KIAA1549L: variants seen among roughly 807,000 people sequenced by gnomAD.
The protein encoded by KIAA1549L is KIAA1549 like.
KIAA1549L carries 88 observed loss-of-function variants against 160.7 expected under a neutral mutation model. The observed-to-expected ratio is 0.55, with a 90% CI of 0.46 to 0.65. KIAA1549L has a LOEUF of 0.65. Ranked by LOEUF, KIAA1549L falls within the 30% of genes least tolerant of loss-of-function variation. KIAA1549L has a pLI of 0.00. For synonymous variants in KIAA1549L, 950 were observed against 976.7 expected, an observed-to-expected ratio of 0.97 and a Z score of 0.51; for missense variants, 2,258 against 2,437.5, an observed-to-expected ratio of 0.93 and a Z score of 1.55.
chr11:33,571,805 C>G (rs1039244161), intron 9 of KIAA1549L, among the ~76,000 whole-genome samples: 1 of 152,206 alleles, frequency 6.6e-6, no homozygotes, highest in East Asian at 1.9e-4. Flanking sequence ...ATATCATGAT[C>G]TTATCAAGTG....
At chr11:33,601,803 C>G (rs1850373271) in intron 13 of KIAA1549L, among the ~76,000 whole-genome samples, 3 of 152,214 alleles carry the variant, frequency 2.0e-5, no homozygotes, top group South Asian at 2.1e-4. Flanking sequence ...GGAAAAGACA[C>G]TATTCTGCTA....
chr11:33,383,708 C>T, intron 1 of KIAA1549L, among the ~76,000 whole-genome samples: 1 of 152,156 alleles, frequency 6.6e-6, no homozygotes, highest in East Asian at 1.9e-4. Context: ...TAAAGTACTT[C>T]CATGAATTGG....
chr11:33,605,689 A>T (rs919385667), intron 13 of KIAA1549L, among the ~76,000 whole-genome samples: 1 of 152,228 alleles, frequency 6.6e-6, no homozygotes, highest in Admixed American at 6.5e-5. Flanking sequence ...AGACAGGAGG[A>T]AAGATGAATA....
At chr11:33,403,739 T>C (rs948846880) in intron 1 of KIAA1549L, 1 of 152,064 alleles carries the variant, frequency 6.6e-6, no homozygotes, top group African/African-American at 2.4e-5. Flanking sequence ...TTCCTCCCTT[T>C]CTTTCTTTTT....
intron 1 of KIAA1549L, among the ~76,000 whole-genome samples, chr11:33,428,843 A>C (rs770555758): frequency 6.6e-6 from 1 of 152,176 alleles, no homozygotes; most frequent in South Asian, 2.1e-4. Flanking sequence ...GTCAAATGGT[A>C]TCTCTAGTTC....
At chr11:33,462,421 G>A (rs1851959346) in intron 1 of KIAA1549L, among the ~76,000 whole-genome samples, 1 of 152,170 alleles carries the variant, frequency 6.6e-6, no homozygotes, top group Non-Finnish European at 1.5e-5. Flanking sequence ...TGCAATATCT[G>A]TAAAAAAATT....
In KIAA1549L at chr11:33,612,625, G is replaced by A. The variant is rs117165257; in HGVS notation, c.5279+2659G>A. On this transcript the variant is annotated intron_variant, in intron 15 of 20. Coordinates refer to ENST00000658780, the MANE Select transcript of KIAA1549L (RefSeq NM_012194.3). ...TTTTTTTTTTTTTTCTTTTCTTTTA[G>A]GTTTGAAGTTACATGTGCAGGTTTG... Among the ~76,000 whole-genome samples the A allele has an allele frequency of 9.5e-3, 1,430 of 150,092 alleles. 12 individuals carry two copies. Among genetic ancestry groups the A allele is most frequent in the Admixed American group, 0.015 (233 of 15,118 alleles).
At chr11:33,435,836 A>G (rs12271244) in intron 1 of KIAA1549L, among the ~76,000 whole-genome samples, 4 of 65,982 alleles carry the variant, frequency 6.1e-5, no homozygotes, top group East Asian at 3.5e-4. Context: ...ATATATGTAT[A>G]TGTATATGTG....
intron 1 of KIAA1549L, among the ~76,000 whole-genome samples, chr11:33,414,315 G>A (rs1850844435): frequency 6.6e-6 from 1 of 152,136 alleles, no homozygotes; most frequent in Admixed American, 6.5e-5. Context: ...AATATTCCAT[G>A]GATGATTAGA....
chr11:33,514,754 T>G (rs1292017299), intron 1 of KIAA1549L, among the ~76,000 whole-genome samples: 2 of 152,228 alleles, frequency 1.3e-5, no homozygotes, highest in African/African-American at 4.8e-5. Flanking sequence ...TAGTAACTTG[T>G]GAAAAGCAAA....
rs780356890 is a variant in KIAA1549L, at chr11:33,646,910, CA to C, written c.5760+887del. Among the ~76,000 whole-genome samples, 452 of 140,594 alleles carry C rather than the reference CA, an allele frequency of 3.2e-3. 1 individual carries two copies. Among genetic ancestry groups the C allele is most frequent in the Admixed American group, 4.1e-3 (58 of 14,154 alleles). The allele number at this position is 140,594 out of a possible 152,430, so 92.2% of individuals were successfully genotyped here. ...AATAAACATCATTATTTTTAGAGAC[CA>C]AAAAAAAAAAAATCTGTTATTTAGG... On this transcript the variant is annotated intron_variant, in intron 17 of 20. Coordinates refer to ENST00000658780, the MANE Select transcript of KIAA1549L (RefSeq NM_012194.3).
rs1347631189 is a variant in KIAA1549L at position 33,530,428 on chromosome 11, AAAAAAAAAATATATATAT to A, written c.239-11372_239-11355del. Among the ~76,000 whole-genome samples the A allele has an allele frequency of 2.1e-3, 44 of 20,546 alleles. 4 individuals are homozygous for A. Among genetic ancestry groups the A allele is most frequent in the African/African-American group, 5.4e-3 (39 of 7,256 alleles). The allele number at this position is 20,546 out of a possible 152,430, so 13.5% of individuals were successfully genotyped here. On this transcript the variant is annotated intron_variant, in intron 1 of 20. Coordinates refer to ENST00000658780, the MANE Select transcript of KIAA1549L (RefSeq NM_012194.3). Reference sequence around the variant, plus strand: ...AGAAGAAGAAGGAAAAAAAAAAAAAAAAAAAAAAATATATATATATATATATATATATATATATATATA... The same window carrying A: ...AGAAGAAGAAGGAAAAAAAAAAAAAAATATATATATATATATATATATATA...
At chr11:33,653,600 T>G (rs1483207537) in intron 17 of KIAA1549L, among the ~76,000 whole-genome samples, 2 of 152,222 alleles carry the variant, frequency 1.3e-5, no homozygotes, top group Non-Finnish European at 2.9e-5. Context: ...TGATCCTACT[T>G]GGGATTATTA....
chr11:33,463,493 G>A (rs552595682), intron 1 of KIAA1549L, among the ~76,000 whole-genome samples: 111 of 152,256 alleles, frequency 7.3e-4, no homozygotes, highest in African/African-American at 2.5e-3. Flanking sequence ...AACGTCTTGG[G>A]TGAGAGACCA....
chr11:33,642,638 G>A (rs1416766715), intron 16 of KIAA1549L, among the ~76,000 whole-genome samples: 1 of 149,936 alleles, frequency 6.7e-6, no homozygotes, highest in Non-Finnish European at 1.5e-5. Flanking sequence ...TAATTGGAAT[G>A]AGTCAGGGTA....
At chr11:33,475,596 T>C (rs907729957) in intron 1 of KIAA1549L, among the ~76,000 whole-genome samples, 4 of 151,190 alleles carry the variant, frequency 2.6e-5, no homozygotes, top group African/African-American at 9.7e-5. Flanking sequence ...CTCATGCCTG[T>C]AATCCCAGCA....
intron 17 of KIAA1549L, among the ~76,000 whole-genome samples, chr11:33,649,349 A>T (rs2133414290): frequency 6.6e-6 from 1 of 150,620 alleles, no homozygotes; most frequent in South Asian, 2.1e-4. Context: ...GGGGGAAAAA[A>T]AAAAAAAAAA....
At chr11:33,413,829 A>G (rs562467000) in intron 1 of KIAA1549L, among the ~76,000 whole-genome samples, 15 of 152,330 alleles carry the variant, frequency 9.8e-5, no homozygotes, top group Admixed American at 7.2e-4. Flanking sequence ...CCAGTGCTGC[A>G]TCCGTCTCTG....
intron 20 of KIAA1549L, chr11:33,665,156 C>T (rs759481105): frequency 6.6e-6 from 1 of 152,364 alleles, no homozygotes; most frequent in Non-Finnish European, 1.5e-5. Flanking sequence ...GCCGGTGGTG[C>T]TTTTGCCCGA....
Sources: allele counts gnomAD v4.1 joint callset (sites outside exome capture counted in the v4.1 genomes callset), GRCh38; gene constraint gnomAD v4.1.1; transcripts MANE v1.5; gene names NCBI Gene and HGNC (gene_info 2026-07-23, HGNC 2026-07-21).